TESK2: variants seen among roughly 807,000 people sequenced by gnomAD.
TESK2 encodes testis associated actin remodelling kinase 2.
Under a neutral mutation model 57.1 loss-of-function variants are expected in TESK2, and 39 were observed. That is an observed-to-expected ratio of 0.68 (90% CI 0.53 to 0.89). The LOEUF (loss-of-function observed/expected upper bound fraction) is 0.89. TESK2 is among the 40% of genes least tolerant of loss of function. The pLI is 0.00. For synonymous variants in TESK2, 249 were observed against 267.9 expected (o/e 0.93, Z 0.69); for missense variants, 646 against 732.1 (o/e 0.88, Z 1.36).
At position 45,457,749 on chromosome 1, in the gene TESK2, G is replaced by A. The variant is rs772840123; in HGVS notation, c.37C>T (p.Pro13Ser). ...RSKRNSIAGF[P>S]PRVERLEEFE... ...TCTTCAAGACGCTCCACACGTGGAG[G>A]AAATCCTGCAATTGAATTCCGTTTG... The change falls in exon 2 of 11, where the codon CCT (proline) becomes TCT (serine). Residue 13 changes from proline to serine, a missense_variant. By Grantham distance (74) the Pro-to-Ser change is moderately conservative (BLOSUM62 -1). Coordinates refer to ENST00000372086, the MANE Select transcript of TESK2 (RefSeq NM_007170.3). 4.3e-6 allele frequency: 7 copies of A among 1,614,072 alleles called. No individual in the cohort carries two copies. Among genetic ancestry groups the A allele is most frequent in the Non-Finnish European group, 5.9e-6 (7 of 1,179,986 alleles).
chr1:45,427,974 T>G (rs1650773523), intron 2 of TESK2, among the ~76,000 whole-genome samples: 1 of 152,190 alleles, frequency 6.6e-6, no homozygotes, highest in Non-Finnish European at 1.5e-5. Flanking sequence ...CCCAATGTGA[T>G]TATTACACAT....
chr1:45,354,815 A>AAAAAATAT (rs1647348155), intron 5 of TESK2, among the ~76,000 whole-genome samples: 1 of 40,672 alleles, frequency 2.5e-5, no homozygotes, highest in African/African-American at 1.2e-4. Context: ...AAAAAAAAAA[A>AAAAAATAT]ATATATATAT....
intron 1 of TESK2, among the ~76,000 whole-genome samples, chr1:45,472,361 C>T (rs900720941): frequency 2.0e-5 from 3 of 151,312 alleles, no homozygotes; most frequent in Non-Finnish European, 4.4e-5. Context: ...AGTTCGAGAC[C>T]AGCCTGGCCA....
intron 3 of TESK2, among the ~76,000 whole-genome samples, chr1:45,409,069 A>T (rs1192104112): frequency 6.6e-6 from 1 of 152,152 alleles, no homozygotes; most frequent in Admixed American, 6.6e-5. Context: ...CTGTGATGCA[A>T]ACTGGCTTGG....
intron 1 of TESK2, among the ~76,000 whole-genome samples, chr1:45,471,295 T>C (rs1183188318): frequency 6.6e-6 from 1 of 152,168 alleles, no homozygotes; most frequent in African/African-American, 2.4e-5. Flanking sequence ...GCTATGTTAA[T>C]ATTGCCTCTC....
intron 2 of TESK2, among the ~76,000 whole-genome samples, chr1:45,429,568 A>G (rs1018367186): frequency 6.6e-6 from 1 of 152,148 alleles, no homozygotes; most frequent in Admixed American, 6.5e-5. Context: ...AAATGCTACT[A>G]AACAAAAATT....
intron 1 of TESK2, among the ~76,000 whole-genome samples, chr1:45,484,378 G>T (rs1442694428): frequency 1.3e-5 from 2 of 151,830 alleles, no homozygotes; most frequent in African/African-American, 4.8e-5. Flanking sequence ...CAAAGTGCTG[G>T]AGTTACAGGC....
chr1:45,416,104 A>C (rs1650229919), intron 3 of TESK2, among the ~76,000 whole-genome samples: 2 of 66,418 alleles, frequency 3.0e-5, no homozygotes, highest in Non-Finnish European at 5.7e-5. Context: ...TTTTTTTGAG[A>C]CAAGCTCTGG....
intron 2 of TESK2, among the ~76,000 whole-genome samples, chr1:45,435,524 A>C (rs1651161032): frequency 6.9e-6 from 1 of 144,428 alleles, no homozygotes; most frequent in Admixed American, 7.0e-5. Flanking sequence ...TTAGCCTCCC[A>C]AAGTACTGGG....
chr1:45,387,673 G>A (rs1423388797), intron 3 of TESK2, among the ~76,000 whole-genome samples: 1 of 152,184 alleles, frequency 6.6e-6, no homozygotes, highest in Non-Finnish European at 1.5e-5. Flanking sequence ...AAGAAACAAA[G>A]GAGAATGCCT....
chr1:45,435,630 T>C (rs576812367), intron 2 of TESK2, among the ~76,000 whole-genome samples: 3 of 149,612 alleles, frequency 2.0e-5, no homozygotes, highest in African/African-American at 7.3e-5. Flanking sequence ...ATTCTTTTTT[T>C]TTTTTTTTTT....
At chr1:45,345,786 A>C in intron 10 of TESK2, 91 bp downstream of exon 10, 1 of 1,112,748 alleles carries the variant, frequency 9.0e-7, no homozygotes, top group Non-Finnish European at 1.3e-6. Context: ...TGGACCTGGG[A>C]TCCTGGCAAT....
chr1:45,486,816 CACATAT>C (rs1173988333), intron 1 of TESK2, among the ~76,000 whole-genome samples: 1 of 149,036 alleles, frequency 6.7e-6, no homozygotes, highest in Non-Finnish European at 1.5e-5. Flanking sequence ...CACACACACA[CACATAT>C]ATACATTTTT....
intron 1 of TESK2, among the ~76,000 whole-genome samples, chr1:45,472,319 A>T (rs1382093523): frequency 6.6e-6 from 1 of 151,162 alleles, no homozygotes; most frequent in Non-Finnish European, 1.5e-5. Context: ...GCACTTTGGG[A>T]GGCCAAGGCG....
intron 2 of TESK2, among the ~76,000 whole-genome samples, chr1:45,429,481 A>C (rs115586379): frequency 0.011 from 1,737 of 152,324 alleles, 12 homozygotes; most frequent in Non-Finnish European, 0.019. Context: ...CATTTCAATA[A>C]CAAAAGTGGC....
intron 1 of TESK2, among the ~76,000 whole-genome samples, chr1:45,474,316 G>T (rs369458312): frequency 2.0e-5 from 3 of 151,922 alleles, no homozygotes; most frequent in Non-Finnish European, 4.4e-5. Flanking sequence ...GTGATGGAGT[G>T]AGATTCGGTC....
intron 2 of TESK2, among the ~76,000 whole-genome samples, chr1:45,441,723 A>T (rs1251403927): frequency 6.8e-6 from 1 of 146,470 alleles, no homozygotes; most frequent in Non-Finnish European, 1.5e-5. Context: ...GGTTCAAGTG[A>T]TTCTCCTGCC....
At chr1:45,364,948 T>A (rs563498485) in intron 4 of TESK2, among the ~76,000 whole-genome samples, 1 of 152,316 alleles carries the variant, frequency 6.6e-6, no homozygotes, top group South Asian at 2.1e-4. Flanking sequence ...TAGTGGCTTG[T>A]TGGCACTCTA....
At chr1:45,425,390 C>T (rs940786643) in intron 2 of TESK2, among the ~76,000 whole-genome samples, 2 of 152,178 alleles carry the variant, frequency 1.3e-5, no homozygotes, top group African/African-American at 4.8e-5. Context: ...CAGTGGTTCA[C>T]GCCTGTAATC....
Sources: gnomAD v4.1 joint callset for allele counts (sites outside exome capture counted in the v4.1 genomes callset) on GRCh38, gnomAD v4.1.1 for gene constraint, MANE v1.5 for transcripts, NCBI Gene and HGNC (gene_info 2026-07-23, HGNC 2026-07-21) for gene names.